Variants in SLC5A2 observed in about 807,000 individuals in gnomAD.
The protein encoded by SLC5A2 is solute carrier family 5 member 2.
Under a neutral mutation model 69.0 loss-of-function variants are expected in SLC5A2, and 67 were observed. The ratio of observed to expected loss-of-function variants is 0.97; its 90% CI spans 0.80 to 1.19. The LOEUF is 1.19. Among genes scored for constraint, SLC5A2 ranks in the 50% most tolerant of loss-of-function variants. SLC5A2 has a pLI of 0.00. For synonymous variants in SLC5A2, 455 were observed against 395.8 expected (o/e 1.15, Z -1.78); for missense variants, 1,001 against 921.5 (o/e 1.09, Z -1.12).
At position 31,488,493 on chromosome 16, in the gene SLC5A2, A is replaced by C. The variant is rs763974810; in HGVS notation, c.1129+3A>C. 7.5e-6 allele frequency: 12 copies of C among 1,606,644 alleles called. No homozygotes were observed. The highest frequency in any genetic ancestry group is 1.0e-5 in the Non-Finnish European group (12 of 1,177,920). On this transcript the variant is annotated splice_donor_region_variant and intron_variant, in intron 9 of 13. Transcript: ENST00000330498. ...CGTCGTGAAGCTCATGCCCAACGGT[A>C]AGGGCAGCCCCGGGCCACAGGCGCA... is the stretch of plus-strand genomic sequence containing the variant.
intron 5 of SLC5A2, 145 bp from the exon 6 acceptor site, chr16:31,487,175 G>A (rs1943418007): frequency 1.2e-6 from 1 of 829,466 alleles, no homozygotes; most frequent in African/African-American, 1.7e-5. Context: ...GTGCCTGCGT[G>A]CATGAGCCCC....
Position 31,488,504 on chromosome 16 carries a change from CG to C in SLC5A2, c.1129+17del. 6.2e-7 allele frequency: 1 copy of C among 1,604,158 alleles called. No homozygotes were observed. Among genetic ancestry groups the C allele is most frequent in the Admixed American group, 1.7e-5 (1 of 58,214 alleles). ...TCATGCCCAACGGTAAGGGCAGCCC[CG>C]GGCCACAGGCGCAAGCTCGCTGCGG... On this transcript the variant is annotated intron_variant, in intron 9 of 13. Coordinates refer to ENST00000330498, the MANE Select transcript of SLC5A2 (RefSeq NM_003041.4).
chr16:31,487,997 G>C (rs1228500302), intron 7 of SLC5A2, 41 bp from the exon 8 acceptor site: 1 of 1,607,344 alleles, frequency 6.2e-7, no homozygotes, highest in Non-Finnish European at 8.5e-7. Context: ...GCGGGGCCGA[G>C]GGGAGGCCCG....
At chr16:31,486,012 A>C (rs1024286701) in intron 4 of SLC5A2, 119 bp downstream of exon 4, 1 of 1,275,254 alleles carries the variant, frequency 7.8e-7, no homozygotes, top group Non-Finnish European at 1.1e-6. Context: ...ATGATGATGG[A>C]GGCAGAGCCT....
In SLC5A2 at chr16:31,489,200, C is replaced by T. The variant is rs760573611; in HGVS notation, c.1527C>T (p.Gly509=). 1.2e-6 allele frequency: 2 copies of T among 1,610,198 alleles called. No individual in the cohort carries two copies. The highest frequency in any genetic ancestry group is 2.2e-5 in the East Asian group (1 of 44,882). The change falls in exon 12 of 14, where the codon GGC becomes GGT. Residue 509 remains glycine, a synonymous_variant. Coordinates refer to ENST00000330498, the MANE Select transcript of SLC5A2 (RefSeq NM_003041.4). ...TTCCCGAGTTCTCCTTCGGCTCGGGCAGCTGTGTGCAGCCCTCGGCGTGCC... is the reference window on the plus strand; with the variant it reads ...TTCCCGAGTTCTCCTTCGGCTCGGGTAGCTGTGTGCAGCCCTCGGCGTGCC... ...RLIPEFSFGS[G]SCVQPSACPA...
At chr16:31,488,854 G>A (rs748447242) in intron 10 of SLC5A2, 26 bp from the exon 11 acceptor site, 2 of 1,603,174 alleles carry the variant, frequency 1.2e-6, no homozygotes, top group South Asian at 1.1e-5. Flanking sequence ...CAGGGTCCGG[G>A]TTCGATCCGA....
rs1567387673 is a variant in SLC5A2 at position 31,484,933 on chromosome 16, T to G, written c.303+10T>G. ...TGGATTCGAGTGGAATGTGAGGCCCTCTTTTTTCCAATAACCCCACCCTCA... is the reference window on the plus strand; with the variant it reads ...TGGATTCGAGTGGAATGTGAGGCCCGCTTTTTTCCAATAACCCCACCCTCA... On this transcript the variant is annotated intron_variant, in intron 3 of 13. Transcript: ENST00000330498. 1 of 1,611,860 alleles carries G rather than the reference T, an allele frequency of 6.2e-7. No individual in the cohort carries two copies. The highest frequency in any genetic ancestry group is 2.2e-5 in the East Asian group (1 of 44,860).
rs201253833 is a variant in SLC5A2 at position 31,489,059 on chromosome 16, C to A, written c.1449+11C>A. The A allele has an allele frequency of 2.3e-4, 372 of 1,601,656 alleles. No homozygotes were observed. In the Middle Eastern group the frequency reaches 3.1e-3, roughly 14 times the overall value. ...CGCGTTAATGAGCAGGTGAGCGGCA[C>A]GCGCGTGGTGACGGCAGGGCTGGGC... On this transcript the variant is annotated intron_variant, in intron 11 of 13. Coordinates refer to ENST00000330498, the MANE Select transcript of SLC5A2 (RefSeq NM_003041.4).
chr16:31,490,332 C>T lies in SLC5A2; in HGVS notation c.1816C>T (p.Leu606Phe), dbSNP rs200862764. 9 of 1,612,656 alleles carry T rather than the reference C, an allele frequency of 5.6e-6. No homozygotes were observed. The Admixed American group carries it at 1.3e-4, about 24-fold the overall frequency. ...MNEPQAPAPSLFRQCLLWFCG... is the reference protein window; with the variant it reads ...MNEPQAPAPSFFRQCLLWFCG... ...AGAGCCCCAGGCCCCGGCACCAAGC[C>T]TCTTCCGCCAGTGCCTGCTCTGGTT... Residue 606 changes from leucine to phenylalanine, a missense_variant, in exon 14 of 14, where the codon CTC (leucine) becomes TTC (phenylalanine). Leu to Phe is a conservative substitution (Grantham distance 22). Transcript: ENST00000330498.
chr16:31,488,847 G>C (rs751962055), intron 10 of SLC5A2, 33 bp from the exon 11 acceptor site: 5 of 1,602,626 alleles, frequency 3.1e-6, no homozygotes, highest in Middle Eastern at 1.7e-4. Flanking sequence ...GGGAGCCCAG[G>C]GTCCGGGTTC....
chr16:31,485,316 G>T, intron 3 of SLC5A2: 1 of 444,296 alleles, frequency 2.3e-6, no homozygotes. Flanking sequence ...ACAAAGCTCT[G>T]GGACTGAGGC....
At chr16:31,484,593 G>T in intron 1 of SLC5A2, 80 bp from the exon 2 acceptor site, 1 of 1,447,172 alleles carries the variant, frequency 6.9e-7, no homozygotes, top group Non-Finnish European at 9.6e-7. Context: ...CCAGAAACAA[G>T]GCTGAGGAAT....
At position 31,483,229 on chromosome 16, in the gene SLC5A2, A is replaced by G; in HGVS notation, c.93A>G (p.Ala31=). The change falls in exon 1 of 14, where the codon GCA becomes GCG. Residue 31 remains alanine, a synonymous_variant. Transcript: ENST00000330498. The part of the protein sequence containing the change: ...DNPADILVIA[A]YFLLVIGVGL... ...CTGCTGACATCCTAGTCATTGCTGC[A>G]TATTTCCTGCTGGTCATTGGCGTTG... 1.2e-6 allele frequency: 2 copies of G among 1,613,616 alleles called. No individual in the cohort carries two copies. Among genetic ancestry groups the G allele is most frequent in the Non-Finnish European group, 8.5e-7 (1 of 1,179,990 alleles).
chr16:31,488,343 C>T, intron 8 of SLC5A2, 40 bp from the exon 9 acceptor site: 2 of 1,605,912 alleles, frequency 1.2e-6, no homozygotes, highest in Non-Finnish European at 1.7e-6. Context: ...ATTCCCAGAC[C>T]AGGCCCCGTC....
chr16:31,489,248 C>G lies in SLC5A2; in HGVS notation c.1575C>G (p.His525Gln). The change falls in exon 12 of 14, where the codon CAC becomes CAG. Residue 525 changes from histidine to glutamine, a missense_variant. Transcript: ENST00000330498. ...GCCCAGCTTTCCTCTGCGGCGTGCA[C>G]TACCTCTACTTCGCCATTGTGCTGT... ...SACPAFLCGV[H>Q]YLYFAIVLFF... 3 of 1,610,770 alleles carry G rather than the reference C, an allele frequency of 1.9e-6. No homozygotes were observed. The highest frequency in any genetic ancestry group is 2.2e-5 in the South Asian group (2 of 91,088).
intron 4 of SLC5A2, 133 bp downstream of exon 4, chr16:31,486,026 A>G: frequency 2.5e-6 from 3 of 1,219,212 alleles, no homozygotes; most frequent in Middle Eastern, 1.9e-4. Flanking sequence ...AGAGCCTGCA[A>G]TGAATGTCTC....
chr16:31,485,955 G>A, intron 4 of SLC5A2, 62 bp downstream of exon 4: 1 of 1,580,298 alleles, frequency 6.3e-7, no homozygotes, highest in Non-Finnish European at 8.7e-7. Context: ...GGGGTCTCTA[G>A]AGAACCCTAG....
chr16:31,487,515 G>A lies in SLC5A2; in HGVS notation c.656-15G>A. ...AGGGTCCTAAGGAGGGTCCCCTGAC[G>A]GCCTTGCCCGGCAGCCTTCCACGAG... On this transcript the variant is annotated splice_polypyrimidine_tract_variant and intron_variant, in intron 6 of 13. Transcript: ENST00000330498. The A allele has an allele frequency of 6.2e-7, 1 of 1,613,444 alleles. No individual in the cohort carries two copies. Among genetic ancestry groups the A allele is most frequent in the Non-Finnish European group, 8.5e-7 (1 of 1,179,774 alleles).
Position 31,490,226 on chromosome 16 carries a change from G to C in SLC5A2, c.1788G>C (p.Met596Ile). The C allele has an allele frequency of 6.2e-7, 1 of 1,614,174 alleles. No homozygotes were observed. The highest frequency in any genetic ancestry group is 8.5e-7 in the Non-Finnish European group (1 of 1,180,020). ...GGTGCCCAGAGAGTGCCATGGAGAT[G>C]AATGGTAGGGCACCATGCTGGGAGG... The part of the protein sequence containing the change: ...QNGCPESAME[M>I]NEPQAPAPSL... The change falls in exon 13 of 14, where the codon ATG (methionine) becomes ATC (isoleucine). Residue 596 changes from methionine to isoleucine, a missense_variant. Transcript: ENST00000330498.
Sources: gnomAD v4.1 joint callset for allele counts on GRCh38, gnomAD v4.1.1 for gene constraint, MANE v1.5 for transcripts, NCBI Gene and HGNC (gene_info 2026-07-23, HGNC 2026-07-21) for gene names.